DLG2: variants seen among roughly 807,000 people sequenced by gnomAD.
The protein encoded by DLG2 is discs large MAGUK scaffold protein 2.
Under a neutral mutation model 132.5 loss-of-function variants are expected in DLG2, and 45 were observed. That is an observed-to-expected ratio of 0.34 (90% CI 0.27 to 0.44). DLG2 has a LOEUF of 0.44. Among genes scored for constraint, DLG2 ranks in the 20% least tolerant of loss-of-function variants. DLG2 has a pLI of 1.00. For missense variants in DLG2, 1,045 were observed against 1,196.9 expected (o/e 0.87, Z 1.87); for synonymous variants, 424 against 419.6 (o/e 1.01, Z -0.13).
chr11:84,939,532 A>G (rs2049138967), intron 6 of DLG2, among the ~76,000 whole-genome samples: 1 of 152,024 alleles, frequency 6.6e-6, no homozygotes, highest in African/African-American at 2.4e-5. Context: ...CCCATTAACC[A>G]TTCCCATTTC....
chr11:84,747,619 C>T (rs976700042), intron 6 of DLG2, among the ~76,000 whole-genome samples: 1 of 152,140 alleles, frequency 6.6e-6, no homozygotes, highest in African/African-American at 2.4e-5. Flanking sequence ...AATACTTGTC[C>T]TTGCACTAAG....
Position 84,269,863 on chromosome 11 carries a change from C to T in DLG2, c.520-18572G>A, listed in dbSNP as rs372785487. 3.9e-5 allele frequency among the ~76,000 whole-genome samples: 6 copies of T among 152,246 alleles called. No homozygotes were observed. In the South Asian group the frequency reaches 6.2e-4, roughly 16 times the overall value. Reference sequence around the variant, plus strand: ...TAAGGAAAACCAAATTTGTACATTGCAGCAAGAGATATTAGGGCACCATTT... The same window carrying T: ...TAAGGAAAACCAAATTTGTACATTGTAGCAAGAGATATTAGGGCACCATTT... On this transcript the variant is annotated intron_variant, in intron 7 of 27. Transcript: ENST00000376104.
intron 10 of DLG2, among the ~76,000 whole-genome samples, chr11:84,090,803 A>G (rs1183333197): frequency 2.0e-5 from 3 of 152,232 alleles, no homozygotes. Flanking sequence ...TACAAGGTTA[A>G]TAATGTTTTC....
At chr11:83,498,058 A>G (rs2094244398) in intron 21 of DLG2, among the ~76,000 whole-genome samples, 1 of 152,168 alleles carries the variant, frequency 6.6e-6, no homozygotes, top group Non-Finnish European at 1.5e-5. Flanking sequence ...TTTTAAAAAA[A>G]TGTATCCTGT....
intron 9 of DLG2, among the ~76,000 whole-genome samples, chr11:84,155,767 C>T (rs903171244): frequency 6.6e-6 from 1 of 152,046 alleles, no homozygotes; most frequent in African/African-American, 2.4e-5. Flanking sequence ...AGAATGACTG[C>T]ACTTCAAGAT....
At chr11:85,131,729 T>C (rs1335591669) in intron 5 of DLG2, among the ~76,000 whole-genome samples, 2 of 152,170 alleles carry the variant, frequency 1.3e-5, no homozygotes, top group Admixed American at 1.3e-4. Context: ...GCTTCATTTG[T>C]AAAAGTAATA....
At chr11:85,219,992 A>C (rs1000806625) in intron 4 of DLG2, among the ~76,000 whole-genome samples, 5 of 151,958 alleles carry the variant, frequency 3.3e-5, no homozygotes, top group Admixed American at 2.0e-4. Context: ...TTTTTGTCTT[A>C]ATTTGGAGAG....
At chr11:85,271,364 G>A (rs1170532819) in intron 4 of DLG2, among the ~76,000 whole-genome samples, 1 of 152,256 alleles carries the variant, frequency 6.6e-6, no homozygotes, top group African/African-American at 2.4e-5. Context: ...TGCTGCAGCG[G>A]TGGGGCACTC....
intron 4 of DLG2, among the ~76,000 whole-genome samples, chr11:85,266,883 T>C (rs17148078): frequency 0.073 from 11,096 of 152,264 alleles, 686 homozygotes; most frequent in African/African-American, 0.17. Flanking sequence ...CCAAAACTTT[T>C]TAGTGTTGCA....
intron 6 of DLG2, among the ~76,000 whole-genome samples, chr11:84,950,979 T>C (rs1426700649): frequency 2.0e-5 from 3 of 152,244 alleles, no homozygotes; most frequent in Non-Finnish European, 4.4e-5. Flanking sequence ...TTGTTTCACA[T>C]GGTATTTAAA....
intron 19 of DLG2, among the ~76,000 whole-genome samples, chr11:83,580,051 T>C (rs973610403): frequency 6.6e-6 from 1 of 152,092 alleles, no homozygotes. Flanking sequence ...CTACAACTTA[T>C]ACACTTTTAA....
chr11:84,608,723 C>T (rs2099590105), intron 6 of DLG2, among the ~76,000 whole-genome samples: 1 of 152,094 alleles, frequency 6.6e-6, no homozygotes, highest in Admixed American at 6.6e-5. Context: ...TTCAGGTTGC[C>T]ACTGAGATAA....
At chr11:85,197,492 A>C (rs1225934241) in intron 4 of DLG2, among the ~76,000 whole-genome samples, 1 of 152,198 alleles carries the variant, frequency 6.6e-6, no homozygotes, top group Non-Finnish European at 1.5e-5. Context: ...TTCAAAGGAA[A>C]CCCATGATGA....
chr11:83,493,058 T>G (rs1188497358), intron 21 of DLG2, among the ~76,000 whole-genome samples: 2 of 152,134 alleles, frequency 1.3e-5, no homozygotes, highest in African/African-American at 4.8e-5. Flanking sequence ...TTTGATCTCC[T>G]CTGCCACTGT....
chr11:84,019,728 C>T (rs757205189), intron 11 of DLG2, among the ~76,000 whole-genome samples: 21 of 151,962 alleles, frequency 1.4e-4, no homozygotes, highest in Non-Finnish European at 2.2e-4. Context: ...ACGTGAAGAC[C>T]GAAGGAGAAA....
In DLG2 at chr11:84,215,624, G is replaced by A. The variant is rs74829791; in HGVS notation, c.573+35614C>T. On this transcript the variant is annotated intron_variant, in intron 8 of 27. Coordinates refer to ENST00000376104, the MANE Select transcript of DLG2 (RefSeq NM_001142699.3). ...GTCCCATCTACATGCTCATGAAAGA[G>A]AGGAAAACCAGATATTGAGGTGCAG... 3.2e-4 allele frequency among the ~76,000 whole-genome samples: 48 copies of A among 152,268 alleles called. 1 individual carries two copies. In the East Asian group the frequency reaches 8.5e-3, roughly 27 times the overall value.
chr11:84,110,758 T>C (rs996318163), intron 9 of DLG2, among the ~76,000 whole-genome samples: 3 of 152,176 alleles, frequency 2.0e-5, no homozygotes, highest in Non-Finnish European at 4.4e-5. Context: ...TTTTAGAGCT[T>C]AGCAGCTGGG....
chr11:84,986,716 T>C (rs575437329), intron 6 of DLG2, among the ~76,000 whole-genome samples: 4 of 152,168 alleles, frequency 2.6e-5, no homozygotes, highest in Non-Finnish European at 4.4e-5. Context: ...CAGCGTATTT[T>C]TATAATTAAA....
intron 6 of DLG2, among the ~76,000 whole-genome samples, chr11:85,088,823 TC>T (rs2154175078): frequency 6.6e-6 from 1 of 152,236 alleles, no homozygotes; most frequent in African/African-American, 2.4e-5. Flanking sequence ...ACTTAAGTCA[TC>T]CTAATTTCCT....
Sources: allele counts gnomAD v4.1 joint callset (sites outside exome capture counted in the v4.1 genomes callset), GRCh38; gene constraint gnomAD v4.1.1; transcripts MANE v1.5; gene names NCBI Gene and HGNC (gene_info 2026-07-23, HGNC 2026-07-21).